TLK1: variants seen among roughly 807,000 people sequenced by gnomAD.
The protein encoded by TLK1 is tousled like kinase 1.
A neutral mutation model predicts 105.3 loss-of-function variants in TLK1; 24 were observed. The observed-to-expected ratio is 0.23, with a 90% confidence interval of 0.17 to 0.32. The LOEUF (loss-of-function observed/expected upper bound fraction) is 0.32. TLK1 is among the 10% of genes least tolerant of loss of function. The probability of loss-of-function intolerance (pLI) is 1.00; values close to 1 mark genes in which losing one functional copy is unlikely to be tolerated. For missense variants in TLK1, 558 were observed against 910.5 expected (o/e 0.61, Z 4.98); for synonymous variants, 321 against 310.4 (o/e 1.03, Z -0.36).
intron 1 of TLK1, among the ~76,000 whole-genome samples, chr2:171,220,354 G>A (rs1191509157): frequency 2.6e-5 from 4 of 152,062 alleles, no homozygotes; most frequent in Non-Finnish European, 5.9e-5. Context: ...ATGCCTTTTC[G>A]AAGTCAGCTC....
intron 3 of TLK1, among the ~76,000 whole-genome samples, chr2:171,076,763 A>G (rs914202960): frequency 2.6e-5 from 4 of 151,316 alleles, no homozygotes; most frequent in African/African-American, 9.7e-5. Flanking sequence ...AATACAAAAA[A>G]ATCAGCCAGG....
At chr2:171,112,004 T>TCTG (rs1690196676) in intron 2 of TLK1, among the ~76,000 whole-genome samples, 1 of 152,170 alleles carries the variant, frequency 6.6e-6, no homozygotes. Context: ...CAGGCTGGAG[T>TCTG]GCAGTGGCAT....
At chr2:171,141,534 A>AC (rs1206163115) in intron 1 of TLK1, among the ~76,000 whole-genome samples, 1 of 151,696 alleles carries the variant, frequency 6.6e-6, no homozygotes, top group East Asian at 1.9e-4. Flanking sequence ...AAATATAAAC[A>AC]CCCCCACTCC....
chr2:171,178,330 T>C (rs1002889623), intron 1 of TLK1, among the ~76,000 whole-genome samples: 18 of 152,200 alleles, frequency 1.2e-4, no homozygotes, highest in African/African-American at 3.6e-4. Flanking sequence ...GTCTGTGCTC[T>C]CAACTGTTCT....
Position 171,151,469 on chromosome 2 carries a change from T to C in TLK1, c.139+8821A>G, listed in dbSNP as rs995987118. ...TGTCCAGCATTAATAAATATGTGTA[T>C]CTTTTTTTTTTTTTTTTTTTTTTGA... On this transcript the variant is annotated intron_variant, in intron 1 of 20. Transcript: ENST00000431350. Among the ~76,000 whole-genome samples, 9 of 147,924 alleles carry C rather than the reference T, an allele frequency of 6.1e-5. No individual in the cohort carries two copies. In the Middle Eastern group the frequency reaches 9.7e-3, roughly 159 times the overall value.
intron 1 of TLK1, among the ~76,000 whole-genome samples, chr2:171,150,935 T>C (rs541896534): frequency 3.3e-5 from 5 of 152,322 alleles, no homozygotes; most frequent in Non-Finnish European, 7.4e-5. Flanking sequence ...GGAAATAACA[T>C]TGACAGAATA....
intron 1 of TLK1, among the ~76,000 whole-genome samples, chr2:171,215,144 T>C (rs934759284): frequency 1.6e-4 from 25 of 152,182 alleles, no homozygotes; most frequent in South Asian, 2.1e-4. Flanking sequence ...ACTTGCTATG[T>C]TGCCCAGGCT....
chr2:171,150,458 G>C (rs1691987787), intron 1 of TLK1, among the ~76,000 whole-genome samples: 1 of 152,058 alleles, frequency 6.6e-6, no homozygotes, highest in African/African-American at 2.4e-5. Flanking sequence ...TCATCTCAAG[G>C]GGACTGTCAA....
chr2:171,173,329 G>A (rs1014269821), intron 1 of TLK1, among the ~76,000 whole-genome samples: 2 of 152,106 alleles, frequency 1.3e-5, no homozygotes, highest in African/African-American at 2.4e-5. Context: ...TGACTCATAC[G>A]GATCACATAT....
intron 3 of TLK1, among the ~76,000 whole-genome samples, chr2:171,070,300 T>C (rs772638673): frequency 4.7e-5 from 7 of 149,430 alleles, no homozygotes; most frequent in East Asian, 2.0e-4. Flanking sequence ...AATCCACTTA[T>C]AGTTTTTTTT....
intron 1 of TLK1, among the ~76,000 whole-genome samples, chr2:171,184,015 G>A (rs1692975401): frequency 6.6e-6 from 1 of 152,184 alleles, no homozygotes; most frequent in Admixed American, 6.5e-5. Context: ...GATTGTCTGG[G>A]TGGGTCCAAT....
chr2:171,137,662 A>G (rs1257315383), intron 1 of TLK1, among the ~76,000 whole-genome samples: 2 of 152,078 alleles, frequency 1.3e-5, no homozygotes, highest in African/African-American at 4.8e-5. Context: ...CAACCTGGGC[A>G]ACATGGTGAA....
chr2:171,056,343 T>C (rs963058355), intron 6 of TLK1, 128 bp downstream of exon 6: 4 of 598,194 alleles, frequency 6.7e-6, no homozygotes, highest in Non-Finnish European at 1.1e-5. Context: ...ACAGAAATAA[T>C]GTATTAAAAG....
chr2:171,177,538 G>A (rs1007488299), intron 1 of TLK1, among the ~76,000 whole-genome samples: 1 of 152,180 alleles, frequency 6.6e-6, no homozygotes, highest in African/African-American at 2.4e-5. Flanking sequence ...AGTGTCTTGA[G>A]AGGAGGGAAG....
rs565306457 is a variant in TLK1 at position 171,147,234 on chromosome 2, G to T, written c.139+13056C>A. ...TCAGGTCCAAAAATACTTGCTGAAT[G>T]AACAAACTATGCCAATAAGTTTTCT... On this transcript the variant is annotated intron_variant, in intron 1 of 20. Coordinates refer to ENST00000431350, the MANE Select transcript of TLK1 (RefSeq NM_012290.5). 1.4e-3 allele frequency among the ~76,000 whole-genome samples: 220 copies of T among 152,282 alleles called. 2 individuals carry two copies. Among genetic ancestry groups the T allele is most frequent in the South Asian group, 5.6e-3 (27 of 4,828 alleles).
chr2:171,160,330 G>C lies in TLK1; in HGVS notation c.99C>G (p.Ser33=). 6.2e-7 allele frequency: 1 copy of C among 1,602,320 alleles called. No individual in the cohort carries two copies. The change falls in exon 1 of 21, where the codon TCC becomes TCG. Residue 33 remains serine, a synonymous_variant. Coordinates refer to ENST00000431350, the MANE Select transcript of TLK1 (RefSeq NM_012290.5). This position sits in a 1 kb window ranked among gnomAD's most constrained non-coding sequence, Gnocchi z 4.4. ...CGGATGGCGGCGTGTGATTCAGCAGGGACCTGGCCGCCGCCGCCGAGCCCG... is the reference window on the plus strand; with the variant it reads ...CGGATGGCGGCGTGTGATTCAGCAGCGACCTGGCCGCCGCCGCCGAGCCCG... ...PTPGSAAAAR[S]LLNHTPPSGR...
rs1684680541 is a variant in TLK1, at chr2:171,006,975, T to G, written c.1505A>C (p.His502Pro). 1.2e-6 allele frequency: 2 copies of G among 1,608,358 alleles called. No individual in the cohort carries two copies. Residue 502 changes from histidine to proline, a missense_variant, in exon 15 of 21, where the codon CAC becomes CCC. Physicochemically the swap from His to Pro is moderately conservative, Grantham distance 77 (BLOSUM62 -2). Transcript: ENST00000431350. ...SWRDEKKENYHKHACREYRIH... is the reference protein window; with the variant it reads ...SWRDEKKENYPKHACREYRIH... ...ACCATAAAGTATTAGTATTTACTTG[T>G]GGTAGTTTTCTTTCTTCTCATCTCT...
At chr2:171,061,001 T>C in intron 4 of TLK1, 80 bp downstream of exon 4, 1 of 1,326,892 alleles carries the variant, frequency 7.5e-7, no homozygotes, top group East Asian at 2.5e-5. Context: ...ATTTTACAAT[T>C]AGAGTATTAA....
chr2:171,080,119 C>T (rs569229772), intron 3 of TLK1, among the ~76,000 whole-genome samples: 7 of 150,802 alleles, frequency 4.6e-5, no homozygotes, highest in Non-Finnish European at 8.9e-5. Flanking sequence ...ATTGCTTGAA[C>T]CTGGGAGGCG....
Sources: allele counts gnomAD v4.1 joint callset (sites outside exome capture counted in the v4.1 genomes callset), GRCh38; gene constraint gnomAD v4.1.1; non-coding constraint Gnocchi (gnomAD v3.1); transcripts MANE v1.5; gene names NCBI Gene and HGNC (gene_info 2026-07-23, HGNC 2026-07-21).